SPACA7: variants seen among roughly 807,000 people sequenced by gnomAD.
SPACA7 encodes sperm acrosome-associated protein 7.
In SPACA7, 19 loss-of-function variants were observed where a neutral mutation model predicts 26.3. The ratio of observed to expected loss-of-function variants is 0.72; its 90% CI spans 0.50 to 1.06. The LOEUF (loss-of-function observed/expected upper bound fraction) is 1.06. Among genes scored for constraint, SPACA7 ranks in the 50% least tolerant of loss-of-function variants. The pLI is 0.00. For missense variants in SPACA7, 211 were observed against 229.9 expected (o/e 0.92, Z 0.53); for synonymous variants, 84 against 84.5 (o/e 0.99, Z 0.04).
intron 5 of SPACA7, among the ~76,000 whole-genome samples, chr13:112,416,099 A>C (rs965907943): frequency 1.3e-5 from 2 of 151,786 alleles, no homozygotes; most frequent in African/African-American, 4.8e-5. Context: ...TACCTTCTTC[A>C]ATGTGTCTTT....
In SPACA7 at chr13:112,420,601, C is replaced by T. The variant is rs140833550; in HGVS notation, c.446-11843C>T. ...GGTAAATACCTCATTTCCTCACATA[C>T]ATATCATTGAAATCACAGAAAGATA... is the stretch of plus-strand genomic sequence containing the variant. On this transcript the variant is annotated intron_variant, in intron 5 of 6. Transcript: ENST00000283550. Among the ~76,000 whole-genome samples, 503 of 152,094 alleles carry T rather than the reference C, an allele frequency of 3.3e-3. 1 individual carries two copies. Among genetic ancestry groups the T allele is most frequent in the African/African-American group, 0.012 (480 of 41,496 alleles).
rs56915556 is a variant in SPACA7, at chr13:112,383,084, A to G, written c.94+6605A>G. ...AGAGACAGAAAGAGAAAGAAAGAAA[A>G]AGAAAGAAAGAAAGAAGAAAGAAAA... On this transcript the variant is annotated intron_variant, in intron 1 of 6. Transcript: ENST00000283550. Among the ~76,000 whole-genome samples the G allele has an allele frequency of 1.4e-3, 137 of 96,068 alleles. 1 individual carries two copies. Among genetic ancestry groups the G allele is most frequent in the African/African-American group, 4.7e-3 (121 of 25,902 alleles). The allele number at this position is 96,068 out of a possible 152,430, so 63.0% of individuals were successfully genotyped here.
At position 112,398,061 on chromosome 13, in the gene SPACA7, T is replaced by C; in HGVS notation, c.164T>C (p.Val55Ala). The C allele has an allele frequency of 3.1e-6, 5 of 1,612,758 alleles. No homozygotes were observed. Among genetic ancestry groups the C allele is most frequent in the Non-Finnish European group, 4.2e-6 (5 of 1,178,986 alleles). Residue 55 changes from valine (V) to alanine (A), a missense_variant, in exon 3 of 7, where the codon GTC (valine) becomes GCC (alanine). By Grantham distance (64) the Val-to-Ala change is moderately conservative. Transcript: ENST00000283550. ...TGCTTCTCCCAAGATGAAATTCTGGTCCAGGAGATTTTAGATCTGAATAAA... is the reference window on the plus strand; with the variant it reads ...TGCTTCTCCCAAGATGAAATTCTGGCCCAGGAGATTTTAGATCTGAATAAA... The part of the protein sequence containing the change: ...DMSELLDEIL[V>A]QEILDLNKTT...
chr13:112,379,907 C>T (rs1883935457), intron 1 of SPACA7, among the ~76,000 whole-genome samples: 1 of 152,060 alleles, frequency 6.6e-6, no homozygotes, highest in African/African-American at 2.4e-5. Flanking sequence ...AGTTAAATGA[C>T]AGTAAAGAAT....
intron 5 of SPACA7, among the ~76,000 whole-genome samples, chr13:112,408,944 A>G (rs1886167817): frequency 6.6e-6 from 1 of 152,206 alleles, no homozygotes; most frequent in African/African-American, 2.4e-5. Context: ...TGGAGGCATC[A>G]TGCTACCTGA....
At chr13:112,393,224 C>T (rs1457876825) in intron 2 of SPACA7, 147 bp downstream of exon 2, 11 of 560,696 alleles carry the variant, frequency 2.0e-5, no homozygotes, top group Non-Finnish European at 1.3e-5. Context: ...ACCAATGGCC[C>T]ATAGCTTTAC....
chr13:112,388,096 C>T (rs1051386847), intron 1 of SPACA7, among the ~76,000 whole-genome samples: 1 of 152,170 alleles, frequency 6.6e-6, no homozygotes, highest in Non-Finnish European at 1.5e-5. Flanking sequence ...TGCTGGACTT[C>T]CATCAGCAAC....
chr13:112,432,163 C>T (rs1877211534), intron 5 of SPACA7, among the ~76,000 whole-genome samples: 1 of 152,170 alleles, frequency 6.6e-6, no homozygotes, highest in Non-Finnish European at 1.5e-5. Context: ...GCTAGTGTCT[C>T]CTAAGAGTGT....
At chr13:112,405,333 A>T (rs906868561) in intron 5 of SPACA7, among the ~76,000 whole-genome samples, 1 of 151,524 alleles carries the variant, frequency 6.6e-6, no homozygotes, top group Non-Finnish European at 1.5e-5. Flanking sequence ...CCTTTTACCA[A>T]TAAGTGTTTA....
intron 5 of SPACA7, among the ~76,000 whole-genome samples, chr13:112,419,091 A>C (rs1187612708): frequency 1.3e-5 from 2 of 152,060 alleles, no homozygotes; most frequent in Admixed American, 1.3e-4. Context: ...CATCTACAAA[A>C]CCATGGCTTT....
chr13:112,401,822 C>G (rs1490570189), intron 5 of SPACA7, among the ~76,000 whole-genome samples: 1 of 152,158 alleles, frequency 6.6e-6, no homozygotes, highest in Non-Finnish European at 1.5e-5. Flanking sequence ...CCAGTTATCC[C>G]TGAACCATTT....
intron 1 of SPACA7, among the ~76,000 whole-genome samples, chr13:112,382,048 T>G (rs568975109): frequency 1.6e-4 from 25 of 152,310 alleles, no homozygotes; most frequent in African/African-American, 5.5e-4. Flanking sequence ...GGGAAAGAGC[T>G]GTTACCGTCT....
intron 5 of SPACA7, among the ~76,000 whole-genome samples, chr13:112,412,182 T>A (rs1216568835): frequency 6.6e-6 from 1 of 152,218 alleles, no homozygotes; most frequent in Non-Finnish European, 1.5e-5. Flanking sequence ...TGGTTTTGAT[T>A]TGCATTTCCC....
At position 112,399,123 on chromosome 13, in the gene SPACA7, T is replaced by C. The variant is rs374909169; in HGVS notation, c.299T>C (p.Leu100Ser). The C allele has an allele frequency of 5.6e-5, 91 of 1,611,118 alleles. No individual in the cohort carries two copies. The highest frequency in any genetic ancestry group is 7.2e-5 in the Non-Finnish European group (85 of 1,177,432). ...AGGSENYHEL[L>S]ENLQFSPGIE... ...GGTTCTGAGAATTACCATGAATTAT[T>C]AGAGAATTTACAATTCTCTCCTGGC... is the stretch of plus-strand genomic sequence containing the variant. Residue 100 changes from leucine (L) to serine (S), a missense_variant, in exon 4 of 7, where the codon TTA becomes TCA. Physicochemically the swap from Leu to Ser is moderately radical, Grantham distance 145 (BLOSUM62 -2). Transcript: ENST00000283550.
rs5806946 is a variant in SPACA7 at position 112,380,405 on chromosome 13, C to CAAAAAAAA, written c.94+3941_94+3948dup. 5.4e-5 allele frequency among the ~76,000 whole-genome samples: 4 copies of CAAAAAAAA among 74,048 alleles called. No individual in the cohort carries two copies. The South Asian group carries it at 2.4e-3, about 45-fold the overall frequency. The allele number at this position is 74,048 out of a possible 152,430, so 48.6% of individuals were successfully genotyped here. ...AGGCAACAAGAGCAAAACTCAGTCT[C>CAAAAAAAA]AAAAAAAAAAAAAAAAAAAAAACCA... On this transcript the variant is annotated intron_variant, in intron 1 of 6. Coordinates refer to ENST00000283550, the MANE Select transcript of SPACA7 (RefSeq NM_145248.5).
At chr13:112,425,686 G>C (rs1210721568) in intron 5 of SPACA7, among the ~76,000 whole-genome samples, 2 of 152,220 alleles carry the variant, frequency 1.3e-5, no homozygotes, top group Non-Finnish European at 2.9e-5. Context: ...GTGAGAGAGA[G>C]AGAGAAGCTC....
intron 5 of SPACA7, among the ~76,000 whole-genome samples, chr13:112,401,489 TAGAG>T (rs377023243): frequency 6.6e-6 from 1 of 152,090 alleles, no homozygotes; most frequent in Non-Finnish European, 1.5e-5. Flanking sequence ...AACAAACTTT[TAGAG>T]AGAGAGAGAT....
chr13:112,382,387 C>A, intron 1 of SPACA7: 7 of 1,533,580 alleles, frequency 4.6e-6, no homozygotes, highest in Non-Finnish European at 6.1e-6. Flanking sequence ...CATGAGCCAC[C>A]GTGCCTGGCC....
chr13:112,390,407 T>C (rs1215273260), intron 1 of SPACA7, among the ~76,000 whole-genome samples: 1 of 152,140 alleles, frequency 6.6e-6, no homozygotes, highest in East Asian at 1.9e-4. Context: ...CCACGTGCAA[T>C]TGAGCTCCAT....
Sources: allele counts gnomAD v4.1 joint callset (sites outside exome capture counted in the v4.1 genomes callset), GRCh38; gene constraint gnomAD v4.1.1; transcripts MANE v1.5; gene names NCBI Gene and HGNC (gene_info 2026-07-23, HGNC 2026-07-21).